The following NEXMIF variants were observed in gnomAD, a reference collection of about 807,000 sequenced individuals.
NEXMIF encodes the protein neurite extension and migration factor.
A neutral mutation model predicts 62.1 loss-of-function variants in NEXMIF; 8 were observed. The observed-to-expected ratio is 0.13, with a 90% CI of 0.08 to 0.23. The LOEUF (loss-of-function observed/expected upper bound fraction) is 0.23. NEXMIF is among the 10% of genes least tolerant of loss of function. The pLI, the probability that NEXMIF is intolerant of heterozygous loss-of-function variation, is 1.00. For missense variants in NEXMIF, 976 were observed against 1,113.3 expected (o/e 0.88, Z 1.75); for synonymous variants, 404 against 416.6 (o/e 0.97, Z 0.37).
Position 74,744,361 on chromosome X carries a change from G to T in NEXMIF, c.196C>A (p.Pro66Thr). 1 of 1,211,123 alleles carries T rather than the reference G, an allele frequency of 8.3e-7. No homozygotes were observed. Among genetic ancestry groups the T allele is most frequent in the East Asian group, 3.0e-5 (1 of 33,817 alleles). ...ATACAGGGCTTCTTAGAGGGTAGAGGCAGGAGACCTCTGGGATACATCAGG... is the reference window on the plus strand; with the variant it reads ...ATACAGGGCTTCTTAGAGGGTAGAGTCAGGAGACCTCTGGGATACATCAGG... Reference protein sequence around the residue: ...ETLMYPRGLLPLPSKKPCMQS... With the variant: ...ETLMYPRGLLTLPSKKPCMQS... Residue 66 changes from proline to threonine, a missense_variant, in exon 3 of 4, where the codon CCT (proline) becomes ACT (threonine). This residue lies in a region of NEXMIF where 126 missense variants were observed against 146.5 expected (regional missense o/e 0.86). Coordinates refer to ENST00000055682, the MANE Select transcript of NEXMIF (RefSeq NM_001008537.3).
chrX:74,886,289 T>G (rs1044561300), intron 1 of NEXMIF, among the ~76,000 whole-genome samples: 1 of 111,593 alleles, frequency 9.0e-6, no homozygotes, highest in Non-Finnish European at 1.9e-5. Flanking sequence ...GTGTTGGAAG[T>G]TCTGGCTAGG....
Position 74,743,123 on chromosome X carries a change from A to G in NEXMIF, c.1434T>C (p.Tyr478=). 4 of 1,211,119 alleles carry G rather than the reference A, an allele frequency of 3.3e-6. No homozygotes were observed. The highest frequency in any genetic ancestry group is 4.5e-6 in the Non-Finnish European group (4 of 895,354). Residue 478 remains tyrosine (Y), a synonymous_variant, in exon 3 of 4, where the codon TAT becomes TAC. Transcript: ENST00000055682. ...NSGSSSSQQN[Y]GLRAKRKVRY... Reference sequence around the variant, plus strand: ...TGACTTTTCTCTTGGCTCGCAGCCCATAGTTCTGTTGGGAGGAGGAGCTGC... The same window carrying G: ...TGACTTTTCTCTTGGCTCGCAGCCCGTAGTTCTGTTGGGAGGAGGAGCTGC...
intron 1 of NEXMIF, among the ~76,000 whole-genome samples, chrX:74,763,342 C>A (rs762967028): frequency 1.5e-4 from 17 of 111,791 alleles, no homozygotes; most frequent in Admixed American, 1.2e-3. Context: ...GTTTTGGTAC[C>A]AGTACCATGC....
At chrX:74,745,107 G>A (rs981408836) in intron 2 of NEXMIF, among the ~76,000 whole-genome samples, 2 of 109,612 alleles carry the variant, frequency 1.8e-5, no homozygotes, top group Non-Finnish European at 3.8e-5. Context: ...TCAGCCTCCC[G>A]AGTAGCTGGG....
intron 1 of NEXMIF, among the ~76,000 whole-genome samples, chrX:74,849,429 C>T (rs1162348094): frequency 8.9e-6 from 1 of 112,354 alleles, no homozygotes; most frequent in Non-Finnish European, 1.9e-5. Context: ...AGCCCATCCA[C>T]CCTCTTGGGT....
intron 1 of NEXMIF, among the ~76,000 whole-genome samples, chrX:74,829,483 T>C (rs765222441): frequency 4.4e-5 from 5 of 112,491 alleles, no homozygotes; most frequent in Non-Finnish European, 9.4e-5. Context: ...TTCCAAATCT[T>C]GGCTATTGTG....
intron 1 of NEXMIF, among the ~76,000 whole-genome samples, chrX:74,884,293 C>A (rs1043504574): frequency 9.0e-6 from 1 of 111,601 alleles, no homozygotes; most frequent in African/African-American, 3.3e-5. Flanking sequence ...TCATACATAA[C>A]AATACTAACC....
At position 74,740,988 on chromosome X, in the gene NEXMIF, C is replaced by T. The variant is rs771685961; in HGVS notation, c.3569G>A (p.Ser1190Asn). 10 of 1,211,600 alleles carry T rather than the reference C, an allele frequency of 8.3e-6. No individual in the cohort carries two copies. Among genetic ancestry groups the T allele is most frequent in the Non-Finnish European group, 8.9e-6 (8 of 895,437 alleles). The change falls in exon 3 of 4, where the codon AGC becomes AAC. Residue 1190 changes from serine to asparagine, a missense_variant. This residue lies in a region of NEXMIF where 639 missense variants were observed against 694.5 expected (regional missense o/e 0.92). Transcript: ENST00000055682. ...SPSKSGAMNQSSSQKNTRKKS... is the reference protein window; with the variant it reads ...SPSKSGAMNQNSSQKNTRKKS... ...TTTCCTGGTGTTTTTCTGAGAAGAG[C>T]TTTGGTTCATAGCCCCACTCTTGCT...
intron 1 of NEXMIF, among the ~76,000 whole-genome samples, chrX:74,755,875 T>C (rs1266187051): frequency 8.9e-6 from 1 of 111,765 alleles, no homozygotes; most frequent in East Asian, 2.8e-4. Context: ...TCCACTGGGG[T>C]AAATTTTAAA....
chrX:74,787,335 C>T (rs2080264322), intron 1 of NEXMIF, among the ~76,000 whole-genome samples: 1 of 110,083 alleles, frequency 9.1e-6, no homozygotes, highest in Admixed American at 9.7e-5. Context: ...GACAGTGTCC[C>T]TTCTCTACTT....
intron 1 of NEXMIF, among the ~76,000 whole-genome samples, chrX:74,747,702 C>T (rs759692991): frequency 3.2e-3 from 352 of 109,526 alleles, no homozygotes; most frequent in Non-Finnish European, 5.7e-3. Flanking sequence ...GGCAGTGGCC[C>T]TTCCAGAGTT....
intron 1 of NEXMIF, among the ~76,000 whole-genome samples, chrX:74,863,015 T>C (rs763421980): frequency 9.1e-6 from 1 of 109,631 alleles, no homozygotes; most frequent in Non-Finnish European, 1.9e-5. Context: ...TACAAAAAAA[T>C]ACAAAACTTA....
intron 1 of NEXMIF, among the ~76,000 whole-genome samples, chrX:74,878,055 G>A (rs1275165583): frequency 8.9e-6 from 1 of 111,900 alleles, no homozygotes; most frequent in Non-Finnish European, 1.9e-5. Flanking sequence ...TTTGGAGGAG[G>A]AGAGTCGCTC....
intron 1 of NEXMIF, among the ~76,000 whole-genome samples, chrX:74,922,728 A>C (rs1472781325): frequency 9.0e-6 from 1 of 111,695 alleles, no homozygotes; most frequent in Admixed American, 9.5e-5. Flanking sequence ...AAATATATGT[A>C]CAATGTATTT....
rs1391850979 is a variant in NEXMIF at position 74,833,888 on chromosome X, C to T, written c.-47-88191G>A. Among the ~76,000 whole-genome samples, 6 of 110,814 alleles carry T rather than the reference C, an allele frequency of 5.4e-5. No homozygotes were observed. The Admixed American group carries it at 5.8e-4, about 11-fold the overall frequency. On this transcript the variant is annotated intron_variant, in intron 1 of 3. Coordinates refer to ENST00000055682, the MANE Select transcript of NEXMIF (RefSeq NM_001008537.3). ...TAAGGCTGGGTGCGGTGGCTCATGA[C>T]TAATTCCAGCACTTTGGGAGGCCGA...
At chrX:74,819,578 C>G (rs372064475) in intron 1 of NEXMIF, among the ~76,000 whole-genome samples, 1 of 111,709 alleles carries the variant, frequency 9.0e-6, no homozygotes, top group African/African-American at 3.3e-5. Flanking sequence ...CAATAAACAT[C>G]TGAAAAAAAG....
intron 1 of NEXMIF, among the ~76,000 whole-genome samples, chrX:74,848,770 G>A (rs2080502747): frequency 8.9e-6 from 1 of 111,976 alleles, no homozygotes; most frequent in Admixed American, 9.4e-5. Flanking sequence ...GGTATTTGAA[G>A]GTGGGGTCCT....
chrX:74,917,197 C>T (rs916642605), intron 1 of NEXMIF, among the ~76,000 whole-genome samples: 1 of 111,617 alleles, frequency 9.0e-6, no homozygotes, highest in African/African-American at 3.3e-5. Context: ...AGATTTCCCC[C>T]TTGCTGTTCT....
chrX:74,794,956 G>A (rs2080301524), intron 1 of NEXMIF, among the ~76,000 whole-genome samples: 2 of 111,883 alleles, frequency 1.8e-5, no homozygotes, highest in Admixed American at 9.5e-5. Context: ...CACGCTGGGA[G>A]CTGTAGACTG....
Sources: gnomAD v4.1 joint callset for allele counts (sites outside exome capture counted in the v4.1 genomes callset) on GRCh38, gnomAD v4.1.1 for gene constraint, gnomAD v4.1.1 regional missense constraint, MANE v1.5 for transcripts, NCBI Gene and HGNC (gene_info 2026-07-23, HGNC 2026-07-21) for gene names.